Variants in RNF17 observed in about 807,000 individuals in gnomAD.
RNF17 encodes the protein spermatogenesis associated 23.
Under a neutral mutation model 200.5 loss-of-function variants are expected in RNF17, and 31 were observed. The ratio of observed to expected loss-of-function variants is 0.15; its 90% CI spans 0.12 to 0.21. The LOEUF (loss-of-function observed/expected upper bound fraction) is 0.21, where lower values mean the gene tolerates loss of function less well. Ranked by LOEUF, RNF17 falls within the 10% of genes least tolerant of loss-of-function variation. RNF17 has a pLI of 1.00. For missense variants in RNF17, 1,628 were observed against 1,905.1 expected, an observed-to-expected ratio of 0.85 and a Z score of 2.71; for synonymous variants, 606 against 637.8, an observed-to-expected ratio of 0.95 and a Z score of 0.75.
chr13:24,864,769 GTTAATAC>G (rs1893453185), intron 28 of RNF17, 97 bp from the exon 29 acceptor site: 7 of 849,234 alleles, frequency 8.2e-6, no homozygotes, highest in Non-Finnish European at 1.1e-5. Flanking sequence ...AAACTGTCTA[GTTAATAC>G]TATGATTGTC....
At chr13:24,854,227 G>A (rs7987497) in intron 25 of RNF17, 83 bp downstream of exon 25, 131,217 of 1,020,162 alleles carry the variant, frequency 0.13, 9,118 homozygotes, top group Admixed American at 0.15. Context: ...CTCTTTGAAC[G>A]TTATTTTCAC....
At chr13:24,818,421 C>T (rs527814933) in intron 15 of RNF17, among the ~76,000 whole-genome samples, 3 of 152,180 alleles carry the variant, frequency 2.0e-5, no homozygotes, top group Admixed American at 1.3e-4. Context: ...TTATTCAAGT[C>T]TTCTGTTTCC....
the RNF17 span, among the ~76,000 whole-genome samples, chr13:24,755,146 A>G: frequency 6.6e-6 from 1 of 152,122 alleles, no homozygotes; most frequent in Non-Finnish European, 1.5e-5. Context: ...ATTGGTATGG[A>G]TTTAAATTAC....
chr13:24,879,923 A>G (rs943278359), downstream of RNF17: 5 of 152,182 alleles, frequency 3.3e-5, no homozygotes, highest in African/African-American at 1.2e-4. Flanking sequence ...GCTTCCAAAC[A>G]TTTGCTTGTT....
chr13:24,825,613 T>C lies in RNF17; in HGVS notation c.2092-6T>C. The C allele has an allele frequency of 6.4e-7, 1 of 1,563,636 alleles. No homozygotes were observed. Among genetic ancestry groups the C allele is most frequent in the Non-Finnish European group, 8.8e-7 (1 of 1,137,524 alleles). ...AATGACAGTGCTTTATCCCTTTATT[T>C]ACTAGATAGAGGGCCTGGATATTTT... On this transcript the variant is annotated splice_polypyrimidine_tract_variant and splice_region_variant and intron_variant, in intron 15 of 35. Transcript: ENST00000255324.
chr13:24,848,760 A>G (rs1891526105), intron 22 of RNF17, among the ~76,000 whole-genome samples: 1 of 152,010 alleles, frequency 6.6e-6, no homozygotes, highest in African/African-American at 2.4e-5. Context: ...CTATATTCAT[A>G]CATTTTTTAA....
In RNF17 at chr13:24,835,312, G is replaced by A. The variant is rs542363910; in HGVS notation, c.2482+3334G>A. On this transcript the variant is annotated intron_variant, in intron 18 of 35. Transcript: ENST00000255324. ...CCCCGCCCATCGCCGGTTCCTCCTC[G>A]TACTACCACAGCTGATGCTCTCTGG... is the stretch of plus-strand genomic sequence containing the variant. 4.6e-5 allele frequency among the ~76,000 whole-genome samples: 7 copies of A among 152,124 alleles called. No individual in the cohort carries two copies. In the South Asian group the frequency reaches 8.3e-4, roughly 18 times the overall value.
Position 24,870,745 on chromosome 13 carries a change from C to T in RNF17, c.4447+6C>T, listed in dbSNP as rs750600064. ...TCTGACGGATTTTAGAACAGGTATA[C>T]TTACTATATTTGAATGAAACAGGAT... is the stretch of plus-strand genomic sequence containing the variant. On this transcript the variant is annotated splice_donor_region_variant and intron_variant, in intron 32 of 35. Transcript: ENST00000255324. 1 of 1,611,866 alleles carries T rather than the reference C, an allele frequency of 6.2e-7. No homozygotes were observed. Among genetic ancestry groups the T allele is most frequent in the Non-Finnish European group, 8.5e-7 (1 of 1,178,666 alleles).
At chr13:24,805,366 C>A (rs1477591384) in intron 15 of RNF17, among the ~76,000 whole-genome samples, 1 of 152,276 alleles carries the variant, frequency 6.6e-6, no homozygotes, top group Middle Eastern at 3.4e-3. Context: ...CATTTCTTCT[C>A]CCCTAGTCCC....
rs1882076286 is a variant in RNF17 at position 24,779,605 on chromosome 13, A to G, written c.430-62A>G. On this transcript the variant is annotated intron_variant, in intron 4 of 35. Transcript: ENST00000255324. ...CCTGAATTTTTTGCAACTATAATAT[A>G]TATATGTCTAGGCATCTGTTTTTTA... is the stretch of plus-strand genomic sequence containing the variant. 4 of 1,302,244 alleles carry G rather than the reference A, an allele frequency of 3.1e-6. No homozygotes were observed. In the South Asian group the frequency reaches 3.6e-5, roughly 12 times the overall value. The allele number at this position is 1,302,244 out of a possible 1,614,324, so 80.7% of individuals were successfully genotyped here. A position where few individuals can be genotyped will look rare whatever the true frequency, so the allele number is the denominator to read the frequency against.
chr13:24,808,586 G>A (rs1228165176), intron 15 of RNF17, among the ~76,000 whole-genome samples: 2 of 117,608 alleles, frequency 1.7e-5, no homozygotes, highest in Admixed American at 1.9e-4. Context: ...CATGTCGTCT[G>A]CAAACAGGGA....
intron 15 of RNF17, among the ~76,000 whole-genome samples, chr13:24,824,552 G>T: frequency 6.6e-6 from 1 of 152,156 alleles, no homozygotes; most frequent in East Asian, 1.9e-4. Flanking sequence ...TATAATCCTT[G>T]ATTTTTTTGG....
intron 19 of RNF17, among the ~76,000 whole-genome samples, chr13:24,842,993 A>C (rs1013608921): frequency 6.8e-5 from 10 of 146,050 alleles, no homozygotes; most frequent in Non-Finnish European, 1.3e-4. Flanking sequence ...TCTAAAAAAA[A>C]AAAAAGAAAA....
chr13:24,763,658 C>G (rs1199371152), upstream of RNF17, among the ~76,000 whole-genome samples: 1 of 152,154 alleles, frequency 6.6e-6, no homozygotes, highest in African/African-American at 2.4e-5. Context: ...TCCCCAACCA[C>G]TCTTGGCACG....
At chr13:24,753,707 T>G in the RNF17 span, among the ~76,000 whole-genome samples, 3 of 152,238 alleles carry the variant, frequency 2.0e-5, no homozygotes, top group African/African-American at 7.2e-5. Flanking sequence ...ACTGTGGCTC[T>G]TAGCAGATAG....
chr13:24,756,438 T>G, the RNF17 span, among the ~76,000 whole-genome samples: 8 of 152,178 alleles, frequency 5.3e-5, no homozygotes, highest in Non-Finnish European at 1.0e-4. Context: ...ATCATAATTC[T>G]TCCTCGTTTT....
chr13:24,881,877 T>G (rs201303433), downstream of RNF17, among the ~76,000 whole-genome samples: 301 of 77,448 alleles, frequency 3.9e-3, 20 homozygotes, highest in African/African-American at 0.011. Context: ...GATACATCTA[T>G]ATAGATATAT....
intron 30 of RNF17, among the ~76,000 whole-genome samples, chr13:24,867,131 T>C (rs1893718455): frequency 6.6e-6 from 1 of 152,248 alleles, no homozygotes; most frequent in African/African-American, 2.4e-5. Context: ...AACAGTTCTT[T>C]ATGCATGCAA....
rs369019759 is a variant in RNF17 at position 24,862,829 on chromosome 13, TG to T, written c.3975+37del. The T allele has an allele frequency of 6.0e-6, 7 of 1,164,920 alleles. No homozygotes were observed. In the African/African-American group the frequency reaches 1.1e-4, roughly 18 times the overall value. The allele number at this position is 1,164,920 out of a possible 1,614,324, so 72.2% of individuals were successfully genotyped here. A position where few individuals can be genotyped will look rare whatever the true frequency, so the allele number is the denominator to read the frequency against. On this transcript the variant is annotated intron_variant, in intron 28 of 35. Coordinates refer to ENST00000255324, the MANE Select transcript of RNF17 (RefSeq NM_031277.3). ...GTATATATAGTTGTTATAAATTACTTGCCATAAAATATTATAATTAACATAA... is the reference window on the plus strand; with the variant it reads ...GTATATATAGTTGTTATAAATTACTTCCATAAAATATTATAATTAACATAA...
Sources: allele counts gnomAD v4.1 joint callset (sites outside exome capture counted in the v4.1 genomes callset), GRCh38; gene constraint gnomAD v4.1.1; transcripts MANE v1.5; gene names NCBI Gene and HGNC (gene_info 2026-07-23, HGNC 2026-07-21).